MACROD2: variants seen among roughly 807,000 people sequenced by gnomAD.
MACROD2 encodes ADP-ribose glycohydrolase MACROD2.
A neutral mutation model predicts 70.4 loss-of-function variants in MACROD2; 36 were observed. The observed-to-expected ratio is 0.51, with a 90% CI of 0.39 to 0.68. The LOEUF (loss-of-function observed/expected upper bound fraction) is 0.68. Ranked by LOEUF, MACROD2 falls within the 30% of genes least tolerant of loss-of-function variation. The pLI is 0.00. For synonymous variants in MACROD2, 172 were observed against 178.8 expected, an observed-to-expected ratio of 0.96 and a Z score of 0.30; for missense variants, 496 against 538.4, an observed-to-expected ratio of 0.92 and a Z score of 0.78.
chr20:15,509,224 C>T (rs987568363), intron 8 of MACROD2, among the ~76,000 whole-genome samples: 2 of 152,128 alleles, frequency 1.3e-5, no homozygotes, highest in African/African-American at 4.8e-5. Context: ...TTTCAATATT[C>T]CCTTCATACT....
chr20:15,262,626 G>C (rs1306759901), intron 6 of MACROD2, among the ~76,000 whole-genome samples: 1 of 152,068 alleles, frequency 6.6e-6, no homozygotes, highest in Non-Finnish European at 1.5e-5. Context: ...CCTCCAAACT[G>C]TTCTCCATAG....
At chr20:15,292,919 A>G (rs2077553988) in intron 6 of MACROD2, among the ~76,000 whole-genome samples, 1 of 152,164 alleles carries the variant, frequency 6.6e-6, no homozygotes, top group Non-Finnish European at 1.5e-5. Context: ...AATTCTTAAC[A>G]TCAGGTTTGG....
intron 4 of MACROD2, among the ~76,000 whole-genome samples, chr20:14,548,858 T>G (rs1194839338): frequency 6.6e-6 from 1 of 151,564 alleles, no homozygotes; most frequent in East Asian, 1.9e-4. Flanking sequence ...TGGATGAGGC[T>G]AAAAAAAGGG....
At chr20:14,951,514 A>G (rs1391288298) in intron 5 of MACROD2, among the ~76,000 whole-genome samples, 1 of 152,140 alleles carries the variant, frequency 6.6e-6, no homozygotes, top group Non-Finnish European at 1.5e-5. Flanking sequence ...TGTCTGTCAT[A>G]GTCATGAAGT....
intron 5 of MACROD2, among the ~76,000 whole-genome samples, chr20:14,874,113 A>G (rs950056045): frequency 6.6e-6 from 1 of 152,044 alleles, no homozygotes; most frequent in Non-Finnish European, 1.5e-5. Context: ...ATATATTTAT[A>G]TCTGTCTTTT....
At chr20:15,569,101 G>C (rs1029371779) in intron 8 of MACROD2, among the ~76,000 whole-genome samples, 1 of 152,174 alleles carries the variant, frequency 6.6e-6, no homozygotes, top group Admixed American at 6.5e-5. Flanking sequence ...GGATGAGGGA[G>C]GGTCTTCTGG....
At chr20:16,032,799 G>A (rs2067172490) in intron 15 of MACROD2, among the ~76,000 whole-genome samples, 2 of 147,066 alleles carry the variant, frequency 1.4e-5, no homozygotes, top group South Asian at 4.5e-4. Flanking sequence ...AGGAAGGGAG[G>A]GAGGGAGGGA....
At chr20:14,710,973 GATTCCATATTGGC>G (rs1169979481) in intron 5 of MACROD2, among the ~76,000 whole-genome samples, 1 of 152,122 alleles carries the variant, frequency 6.6e-6, no homozygotes, top group East Asian at 1.9e-4. Flanking sequence ...CTGTCTGAGG[GATTCCATATTGGC>G]ATCTCCGAAA....
At chr20:15,960,205 T>C (rs73597732) in intron 12 of MACROD2, among the ~76,000 whole-genome samples, 1,971 of 152,286 alleles carry the variant, frequency 0.013, 19 homozygotes, top group African/African-American at 0.037. Context: ...TGTCTGTTGG[T>C]CAAGCAAGAG....
intron 5 of MACROD2, among the ~76,000 whole-genome samples, chr20:15,126,528 C>T (rs969751241): frequency 6.6e-6 from 1 of 152,014 alleles, no homozygotes; most frequent in African/African-American, 2.4e-5. Flanking sequence ...TTGCAGCTTA[C>T]AGTAGTTCAC....
chr20:14,511,012 A>G (rs6074746), intron 4 of MACROD2, among the ~76,000 whole-genome samples: 23,871 of 151,924 alleles, frequency 0.16, 2,081 homozygotes, highest in East Asian at 0.38. Context: ...AAGTCAGGAG[A>G]TAATTTAAGC....
At chr20:15,828,579 T>C (rs2064022275) in intron 8 of MACROD2, among the ~76,000 whole-genome samples, 1 of 152,200 alleles carries the variant, frequency 6.6e-6, no homozygotes. Context: ...TGGATGAGTT[T>C]GTAATTCCAC....
intron 13 of MACROD2, among the ~76,000 whole-genome samples, chr20:15,983,165 A>G (rs763386926): frequency 3.9e-5 from 6 of 152,226 alleles, no homozygotes; most frequent in Non-Finnish European, 8.8e-5. Flanking sequence ...CTACTAAAAT[A>G]TTGACTTAAA....
chr20:14,178,818 A>T (rs1280053405), intron 3 of MACROD2, among the ~76,000 whole-genome samples: 1 of 140,396 alleles, frequency 7.1e-6, no homozygotes, highest in African/African-American at 2.7e-5. Flanking sequence ...CTTCCTTGTC[A>T]TGTAGTCTCA....
intron 2 of MACROD2, among the ~76,000 whole-genome samples, chr20:14,018,902 C>T (rs75786349): frequency 0.023 from 3,535 of 152,192 alleles, 54 homozygotes; most frequent in Non-Finnish European, 0.039. Context: ...AGGCAGTGCT[C>T]GAATCTGTCT....
intron 3 of MACROD2, among the ~76,000 whole-genome samples, chr20:14,347,918 C>T (rs1346817292): frequency 6.6e-6 from 1 of 152,014 alleles, no homozygotes; most frequent in Non-Finnish European, 1.5e-5. Context: ...CCTAACATTG[C>T]CATGTCAGTG....
chr20:15,192,998 G>C (rs998582220), intron 5 of MACROD2, among the ~76,000 whole-genome samples: 15 of 152,160 alleles, frequency 9.9e-5, no homozygotes, highest in Non-Finnish European at 2.2e-4. Flanking sequence ...TGTCAGCTTT[G>C]TGCTGTCCTG....
At chr20:15,775,023 G>T (rs6514614) in intron 8 of MACROD2, among the ~76,000 whole-genome samples, 4,685 of 152,186 alleles carry the variant, frequency 0.031, 258 homozygotes, top group African/African-American at 0.11. Context: ...AGCTTGCAGG[G>T]TGGCCATTCT....
chr20:15,976,021 A>G (rs2066301081), intron 13 of MACROD2, among the ~76,000 whole-genome samples: 1 of 152,196 alleles, frequency 6.6e-6, no homozygotes, highest in Non-Finnish European at 1.5e-5. Context: ...AAAAGACACA[A>G]TTTACATGAT....
Sources: allele counts gnomAD v4.1 joint callset (sites outside exome capture counted in the v4.1 genomes callset), GRCh38; gene constraint gnomAD v4.1.1; transcripts MANE v1.5; gene names NCBI Gene and HGNC (gene_info 2026-07-23, HGNC 2026-07-21).